The following ORC4 variants were observed in gnomAD, a reference collection of about 807,000 sequenced individuals.
ORC4 encodes origin recognition complex subunit 4.
Under a neutral mutation model 63.9 loss-of-function variants are expected in ORC4, and 55 were observed. The observed-to-expected ratio is 0.86, with a 90% CI of 0.69 to 1.08. ORC4 has a LOEUF of 1.08. Ranked by LOEUF, ORC4 falls within the 50% of genes least tolerant of loss-of-function variation. ORC4 has a pLI of 0.00. For missense variants in ORC4, 511 were observed against 504.4 expected (o/e 1.01, Z -0.13); for synonymous variants, 150 against 168.5 (o/e 0.89, Z 0.85).
At chr2:148,006,801 G>A (rs1448913299) in intron 1 of ORC4, among the ~76,000 whole-genome samples, 23 of 152,158 alleles carry the variant, frequency 1.5e-4, no homozygotes, top group Non-Finnish European at 1.5e-5. Context: ...GACCTTGGGT[G>A]AGCCCCAATA....
At chr2:147,943,872 T>TA (rs1688507954) in intron 9 of ORC4, among the ~76,000 whole-genome samples, 1 of 152,110 alleles carries the variant, frequency 6.6e-6, no homozygotes, top group African/African-American at 2.4e-5. Context: ...TACCTAGGGA[T>TA]ACAAGGTAAA....
rs1312544613 is a variant in ORC4 at position 147,931,825 on chromosome 2, C to T, written c.*3685G>A. ...TGTATTTCAAAATAATAAGAGCTAT[C>T]TATGACAAACCCACAGCCAATATCA... On this transcript the variant is annotated 3_prime_UTR_variant, in exon 14 of 14. Coordinates refer to ENST00000392857, the MANE Select transcript of ORC4 (RefSeq NM_181741.4). 2.0e-5 allele frequency: 3 copies of T among 151,734 alleles called. No homozygotes were observed. Among genetic ancestry groups the T allele is most frequent in the Admixed American group, 2.0e-4 (3 of 15,210 alleles). The allele number at this position is 151,734 out of a possible 1,614,324, so 9.4% of individuals were successfully genotyped here. A position where few individuals can be genotyped will look rare whatever the true frequency, so the allele number is the denominator to read the frequency against.
At chr2:148,004,015 A>G (rs1311355672) in intron 1 of ORC4, among the ~76,000 whole-genome samples, 6 of 152,138 alleles carry the variant, frequency 3.9e-5, no homozygotes, top group Admixed American at 3.9e-4. Flanking sequence ...CGCAATTCCT[A>G]CAAAGAGAAT....
chr2:147,992,823 C>T (rs1051708887), intron 1 of ORC4, among the ~76,000 whole-genome samples: 1 of 152,176 alleles, frequency 6.6e-6, no homozygotes, highest in Non-Finnish European at 1.5e-5. Context: ...AAACTACCAT[C>T]CCTCGTCCCC....
In ORC4 at chr2:147,950,783, AAAG is replaced by A. The variant is rs1338304434; in HGVS notation, c.588+1587_588+1589del. ...CCATCTCAAAAAAAAAAAAAAAGAA[AAAG>A]AAAAAAAATTACACTTGAAAGAACT... On this transcript the variant is annotated intron_variant, in intron 8 of 13. Transcript: ENST00000392857. Among the ~76,000 whole-genome samples the A allele has an allele frequency of 2.0e-3, 298 of 151,640 alleles. 1 individual carries two copies. Among genetic ancestry groups the A allele is most frequent in the African/African-American group, 6.7e-3 (278 of 41,264 alleles).
At chr2:147,966,452 A>G (rs976403457) in intron 4 of ORC4, among the ~76,000 whole-genome samples, 2 of 152,060 alleles carry the variant, frequency 1.3e-5, no homozygotes, top group African/African-American at 4.8e-5. Flanking sequence ...ACAAAAAATC[A>G]CTGAAACAAA....
intron 13 of ORC4, chr2:147,937,893 T>C: frequency 1.9e-6 from 1 of 538,062 alleles, no homozygotes; most frequent in Non-Finnish European, 3.3e-6. Context: ...TCACACACTA[T>C]ACTGAATAGT....
intron 9 of ORC4, 36 bp from the exon 10 acceptor site, chr2:147,943,558 G>C: frequency 8.0e-7 from 1 of 1,257,586 alleles, no homozygotes; most frequent in South Asian, 1.2e-5. Flanking sequence ...CAAAATTGAG[G>C]AAAGATGTAG....
chr2:147,965,782 C>A (rs1689860068), intron 4 of ORC4, among the ~76,000 whole-genome samples: 1 of 152,168 alleles, frequency 6.6e-6, no homozygotes, highest in African/African-American at 2.4e-5. Context: ...TTCTCATCAG[C>A]ACACAGAAGA....
At chr2:147,941,343 C>G (rs1272677367) in intron 10 of ORC4, among the ~76,000 whole-genome samples, 1 of 151,902 alleles carries the variant, frequency 6.6e-6, no homozygotes, top group African/African-American at 2.4e-5. Flanking sequence ...TAGACTTTCT[C>G]TAATTAGTAT....
chr2:147,944,098 A>AG (rs1473407324), intron 9 of ORC4, among the ~76,000 whole-genome samples: 1 of 152,128 alleles, frequency 6.6e-6, no homozygotes, highest in Non-Finnish European at 1.5e-5. Context: ...CAAGAGGTAA[A>AG]GTGGGTCGGA....
chr2:147,937,100 G>GA (rs760950865), intron 13 of ORC4: 4 of 151,848 alleles, frequency 2.6e-5, no homozygotes, highest in South Asian at 2.1e-4. Flanking sequence ...ACTATTAGGG[G>GA]AAAAAAACCC....
At chr2:147,988,099 AT>A (rs558072978) in intron 1 of ORC4, among the ~76,000 whole-genome samples, 81 of 152,048 alleles carry the variant, frequency 5.3e-4, no homozygotes, top group African/African-American at 1.9e-3. Flanking sequence ...ACCTATAAAT[AT>A]CTATCCAAAA....
At chr2:148,016,724 G>A (rs1172549231) in intron 1 of ORC4, among the ~76,000 whole-genome samples, 5 of 152,034 alleles carry the variant, frequency 3.3e-5, no homozygotes, top group South Asian at 4.2e-4. Flanking sequence ...ATTTCTTGTC[G>A]GCAAAAATGT....
At chr2:147,958,444 G>T in intron 5 of ORC4, 61 bp from the exon 6 acceptor site, 1 of 1,256,160 alleles carries the variant, frequency 8.0e-7, no homozygotes. Context: ...GATACAGCAG[G>T]TTGTTTTCCA....
At chr2:148,007,751 A>G (rs2105453738) in intron 1 of ORC4, among the ~76,000 whole-genome samples, 1 of 152,328 alleles carries the variant, frequency 6.6e-6, no homozygotes, top group South Asian at 2.1e-4. Flanking sequence ...TTCAACCCAA[A>G]TAAGATTACC....
intron 1 of ORC4, among the ~76,000 whole-genome samples, chr2:148,002,856 T>C (rs947750274): frequency 1.3e-5 from 2 of 151,908 alleles, no homozygotes; most frequent in Non-Finnish European, 2.9e-5. Context: ...ACAAAATAGG[T>C]AGACCGCTAG....
rs150376044 is a variant in ORC4, at chr2:147,977,084, C to T, written c.-17-1109G>A. Reference sequence around the variant, plus strand: ...TACAAATGCTTTGCATTTATCAACTCATTTAATCCTCAAAACTATCATGTG... The same window carrying T: ...TACAAATGCTTTGCATTTATCAACTTATTTAATCCTCAAAACTATCATGTG... On this transcript the variant is annotated intron_variant, in intron 1 of 13. Coordinates refer to ENST00000392857, the MANE Select transcript of ORC4 (RefSeq NM_181741.4). 7.0e-3 allele frequency among the ~76,000 whole-genome samples: 1,061 copies of T among 152,252 alleles called. 10 individuals carry two copies. Among genetic ancestry groups the T allele is most frequent in the African/African-American group, 0.024 (997 of 41,550 alleles).
intron 4 of ORC4, among the ~76,000 whole-genome samples, chr2:147,963,932 A>T (rs983342873): frequency 2.6e-5 from 4 of 152,070 alleles, no homozygotes; most frequent in Non-Finnish European, 5.9e-5. Context: ...TCAAACTGAC[A>T]CCTCGAGACA....
Sources: allele counts gnomAD v4.1 joint callset (sites outside exome capture counted in the v4.1 genomes callset), GRCh38; gene constraint gnomAD v4.1.1; transcripts MANE v1.5; gene names NCBI Gene and HGNC (gene_info 2026-07-23, HGNC 2026-07-21).